Variants in SAMMSON observed in about 807,000 individuals in gnomAD.
SAMMSON encodes long intergenic non-protein coding RNA 1212.
At chr3:70,030,440 C>A (rs2067059644) in intron 3 of SAMMSON, 1 of 152,192 alleles carries the variant, frequency 6.6e-6, no homozygotes, top group African/African-American at 2.4e-5. Flanking sequence ...TAGCTAAGAA[C>A]AAATAGCTAA....
intron 4 of SAMMSON, among the ~76,000 whole-genome samples, chr3:70,111,890 T>C (rs902816008): frequency 6.6e-6 from 1 of 151,954 alleles, no homozygotes; most frequent in African/African-American, 2.4e-5. Context: ...ACAAATAATA[T>C]CTATTGCTGC....
In SAMMSON at chr3:70,233,979, T is replaced by C. The variant is rs146707482; in HGVS notation, n.508-15128T>C. Among the ~76,000 whole-genome samples, 4 of 152,346 alleles carry C rather than the reference T, an allele frequency of 2.6e-5. No individual in the cohort carries two copies. In the East Asian group the frequency reaches 5.8e-4, roughly 22 times the overall value. ...GTGCAAGTTTTTGTGTGGATATTTC[T>C]CTTGGCTAAAACTCTAGGAGTAAAA... On this transcript the variant is annotated intron_variant and non_coding_transcript_variant, in intron 4 of 9. Coordinates refer to ENST00000642114, the Ensembl canonical transcript of SAMMSON.
At chr3:70,200,343 C>T (rs1189468101) in intron 4 of SAMMSON, among the ~76,000 whole-genome samples, 1 of 152,192 alleles carries the variant, frequency 6.6e-6, no homozygotes, top group African/African-American at 2.4e-5. Context: ...CCTACAAGCC[C>T]TTGCATGATT....
At chr3:70,136,381 G>T (rs1041000399) in intron 4 of SAMMSON, among the ~76,000 whole-genome samples, 1 of 152,206 alleles carries the variant, frequency 6.6e-6, no homozygotes, top group Non-Finnish European at 1.5e-5. Context: ...AGTACATTGA[G>T]TGGATCTATG....
chr3:70,387,576 C>T lies in SAMMSON; in HGVS notation n.914-1998C>T, dbSNP rs185538613. Among the ~76,000 whole-genome samples, 14 of 152,038 alleles carry T rather than the reference C, an allele frequency of 9.2e-5. No individual in the cohort carries two copies. In the South Asian group the frequency reaches 2.3e-3, roughly 25 times the overall value. ...ATTAACTTGAAGTTATTTTTGGAAT[C>T]GTTTTCATTTTCAGCTATTATGATT... On this transcript the variant is annotated intron_variant and non_coding_transcript_variant, in intron 9 of 9. Transcript: ENST00000642114.
At chr3:70,405,314 T>G (rs879408649) in intron 2 of SAMMSON, among the ~76,000 whole-genome samples, 6 of 152,162 alleles carry the variant, frequency 3.9e-5, no homozygotes, top group Non-Finnish European at 7.3e-5. Context: ...TATCAACACT[T>G]TTTAAAGAAA....
chr3:70,181,186 G>C, intron 4 of SAMMSON, among the ~76,000 whole-genome samples: 1 of 152,126 alleles, frequency 6.6e-6, no homozygotes, highest in East Asian at 1.9e-4. Flanking sequence ...TCTCTGCAAT[G>C]GCCAAGTTTA....
chr3:70,412,563 T>G (rs1701228994), intron 2 of SAMMSON, among the ~76,000 whole-genome samples: 2 of 152,180 alleles, frequency 1.3e-5, no homozygotes, highest in African/African-American at 4.8e-5. Context: ...TATAAGTAAG[T>G]CATGCTTTCT....
intron 2 of SAMMSON, among the ~76,000 whole-genome samples, chr3:70,397,729 T>C (rs1435585973): frequency 2.0e-5 from 3 of 152,150 alleles, no homozygotes; most frequent in Non-Finnish European, 2.9e-5. Context: ...AATATCTTAA[T>C]ATGTATGATC....
intron 4 of SAMMSON, among the ~76,000 whole-genome samples, chr3:70,152,720 T>A (rs1175799622): frequency 3.3e-5 from 5 of 152,042 alleles, no homozygotes; most frequent in Non-Finnish European, 7.4e-5. Context: ...CTCAGTGACT[T>A]GCTTCAACAC....
chr3:70,060,080 T>G (rs1203031900), intron 3 of SAMMSON, among the ~76,000 whole-genome samples: 1 of 152,120 alleles, frequency 6.6e-6, no homozygotes, highest in African/African-American at 2.4e-5. Context: ...TTGTTGATCT[T>G]GAGCTATGTC....
At position 70,371,842 on chromosome 3, in the gene SAMMSON, C is replaced by G. The variant is rs1702972918; in HGVS notation, n.913+13518C>G. The stretch of plus-strand genomic sequence containing the variant: ...CCTTTTATTTCTCTCTCTTGCCTGA[C>G]TTCTCTGGCTAGGACTTCCAGTACT... On this transcript the variant is annotated intron_variant and non_coding_transcript_variant, in intron 9 of 9. Coordinates refer to ENST00000642114, the Ensembl canonical transcript of SAMMSON. 3.9e-5 allele frequency among the ~76,000 whole-genome samples: 6 copies of G among 152,112 alleles called. No individual in the cohort carries two copies. The South Asian group carries it at 1.2e-3, about 31-fold the overall frequency.
chr3:70,390,468 C>T (rs1379106642), downstream of SAMMSON, among the ~76,000 whole-genome samples: 2 of 152,070 alleles, frequency 1.3e-5, no homozygotes, highest in Non-Finnish European at 2.9e-5. Context: ...ATAGCAGCAT[C>T]TGGTTTTGGG....
intron 9 of SAMMSON, among the ~76,000 whole-genome samples, chr3:70,386,792 G>A (rs569196001): frequency 6.6e-6 from 1 of 152,038 alleles, no homozygotes; most frequent in Non-Finnish European, 1.5e-5. Context: ...GGTAAAGGAA[G>A]GTGGCTTGGA....
intron 4 of SAMMSON, among the ~76,000 whole-genome samples, chr3:70,228,741 C>T (rs1346983388): frequency 7.5e-6 from 1 of 133,512 alleles, no homozygotes. Flanking sequence ...TTTCATGAAT[C>T]TTTTTTTTTT....
chr3:70,037,050 G>A (rs1434406689), intron 3 of SAMMSON, among the ~76,000 whole-genome samples: 2 of 152,010 alleles, frequency 1.3e-5, no homozygotes, highest in African/African-American at 2.4e-5. Context: ...GTTGAGATTA[G>A]TACAGGAGGA....
chr3:70,400,710 C>G (rs555566673), intron 2 of SAMMSON, among the ~76,000 whole-genome samples: 1 of 152,178 alleles, frequency 6.6e-6, no homozygotes, highest in East Asian at 1.9e-4. Context: ...GTGGGTGGAT[C>G]ACTTGAGGCC....
chr3:70,123,762 G>T (rs2067444398), intron 4 of SAMMSON, among the ~76,000 whole-genome samples: 1 of 152,204 alleles, frequency 6.6e-6, no homozygotes, highest in Admixed American at 6.5e-5. Context: ...TTGTAGGGAG[G>T]AGCAGATCCC....
intron 2 of SAMMSON, chr3:70,013,477 T>G (rs1195110379): frequency 2.0e-5 from 3 of 152,182 alleles, no homozygotes; most frequent in Non-Finnish European, 4.4e-5. Context: ...ATGTAATTCT[T>G]CTTCATCTTC....
Sources: allele counts gnomAD v4.1 joint callset (sites outside exome capture counted in the v4.1 genomes callset), GRCh38; gene constraint gnomAD v4.1.1; transcripts MANE v1.5; gene names NCBI Gene and HGNC (gene_info 2026-07-23, HGNC 2026-07-21).